The following ZNF292 variants were observed in gnomAD, a reference collection of about 807,000 sequenced individuals.
ZNF292 encodes the protein zinc finger protein 292.
A neutral mutation model predicts 217.9 loss-of-function variants in ZNF292; 26 were observed. The observed-to-expected ratio is 0.12, with a 90% CI of 0.09 to 0.17. The LOEUF is 0.17. Ranked by LOEUF, ZNF292 falls within the 10% of genes least tolerant of loss-of-function variation. The pLI, the probability that ZNF292 is intolerant of heterozygous loss-of-function variation, is 1.00. For missense variants in ZNF292, 2,904 were observed against 3,175.2 expected (o/e 0.91, Z 2.05); for synonymous variants, 1,257 against 1,124.1 (o/e 1.12, Z -2.37).
intron 1 of ZNF292, among the ~76,000 whole-genome samples, chr6:87,159,626 C>T (rs915812073): frequency 6.6e-6 from 1 of 151,906 alleles, no homozygotes; most frequent in African/African-American, 2.4e-5. Flanking sequence ...CCTCAGCCTC[C>T]TGAGTAGCTG....
In ZNF292 at chr6:87,254,818, G is replaced by A; in HGVS notation, c.1189G>A (p.Glu397Lys). The A allele has an allele frequency of 6.2e-7, 1 of 1,613,836 alleles. No homozygotes were observed. The highest frequency in any genetic ancestry group is 8.5e-7 in the Non-Finnish European group (1 of 1,179,834). Residue 397 changes from glutamate to lysine, a missense_variant, in exon 8 of 8, where the codon GAG becomes AAG. Glu to Lys is a moderately conservative substitution (Grantham distance 56, BLOSUM62 1). Around this residue, in one of 15 missense-constraint regions of ZNF292, gnomAD observed 313 missense variants for 451.0 expected, o/e 0.69. Transcript: ENST00000369577. ...RACQLSEFLI[E>K]PTVDAYYAVE... ...TTGTCAACTGAGTGAATTTCTTATT[G>A]AGCCTACAGTAGATGCGTATTATGC...
chr6:87,239,525 G>A (rs1582478728), intron 5 of ZNF292, among the ~76,000 whole-genome samples: 1 of 151,970 alleles, frequency 6.6e-6, no homozygotes, highest in East Asian at 1.9e-4. Flanking sequence ...CGGCTGGCCG[G>A]GCGGGGGCTG....
At chr6:87,161,311 G>C (rs912964926) in intron 1 of ZNF292, among the ~76,000 whole-genome samples, 1 of 152,216 alleles carries the variant, frequency 6.6e-6, no homozygotes, top group African/African-American at 2.4e-5. Context: ...GGAGATAAAA[G>C]ATACGGGCAA....
Position 87,263,300 on chromosome 6 carries a change from TG to T in ZNF292, c.*1500del, listed in dbSNP as rs1016068842. ...TTCTGTTTGCCGTAAATAGTAACAT[TG>T]TTTTTTTTTATTTTGTGTTTGTTAT... On this transcript the variant is annotated 3_prime_UTR_variant, in exon 8 of 8. Coordinates refer to ENST00000369577, the MANE Select transcript of ZNF292 (RefSeq NM_015021.3). The T allele has an allele frequency of 2.0e-5, 3 of 151,984 alleles. No individual in the cohort carries two copies. Among genetic ancestry groups the T allele is most frequent in the Admixed American group, 6.6e-5 (1 of 15,264 alleles). The allele number at this position is 151,984 out of a possible 1,614,324, so 9.4% of individuals were successfully genotyped here.
At position 87,218,678 on chromosome 6, in the gene ZNF292, A is replaced by T; in HGVS notation, c.485A>T (p.Lys162Ile). ...CTAGCTCAAGAGACTGGGGTGTGGAAAAACCCGGTACTGTGCACTATTCTT... is the reference window on the plus strand; with the variant it reads ...CTAGCTCAAGAGACTGGGGTGTGGATAAACCCGGTACTGTGCACTATTCTT... The part of the protein sequence containing the change: ...ATLAQETGVW[K>I]NPVLCTILSQ... The change falls in exon 4 of 8, where the codon AAA becomes ATA. Residue 162 changes from lysine (K) to isoleucine (I), a missense_variant. Around this residue, in one of 15 missense-constraint regions of ZNF292, gnomAD observed 313 missense variants for 451.0 expected, o/e 0.69. Coordinates refer to ENST00000369577, the MANE Select transcript of ZNF292 (RefSeq NM_015021.3). 1 of 1,596,908 alleles carries T rather than the reference A, an allele frequency of 6.3e-7. No individual in the cohort carries two copies. Among genetic ancestry groups the T allele is most frequent in the Non-Finnish European group, 8.5e-7 (1 of 1,171,648 alleles).
chr6:87,184,758 A>G (rs1771588738), intron 1 of ZNF292, among the ~76,000 whole-genome samples: 1 of 152,146 alleles, frequency 6.6e-6, no homozygotes, highest in Non-Finnish European at 1.5e-5. Flanking sequence ...GCCTCAACCA[A>G]GGAAGCTGGT....
rs41273275 is a variant in ZNF292 at position 87,258,036 on chromosome 6, A to C, written c.4407A>C (p.Thr1469=). 14 of 1,613,680 alleles carry C rather than the reference A, an allele frequency of 8.7e-6. No homozygotes were observed. The highest frequency in any genetic ancestry group is 1.1e-5 in the Non-Finnish European group (13 of 1,179,814). The change falls in exon 8 of 8, where the codon ACA becomes ACC. Residue 1469 remains threonine, a synonymous_variant. Transcript: ENST00000369577. ...GCTCGCCAGCATTTTTACCAAATACATTTCCTCGATCTGGTGTGACTAACT... is the reference window on the plus strand; with the variant it reads ...GCTCGCCAGCATTTTTACCAAATACCTTTCCTCGATCTGGTGTGACTAACT... ...ENRSPAFLPN[T]FPRSGVTNFN... is the part of the protein sequence containing the mutation.
chr6:87,258,638 A>C lies in ZNF292; in HGVS notation c.5009A>C (p.His1670Pro), dbSNP rs1323906501. The C allele has an allele frequency of 6.2e-7, 1 of 1,613,504 alleles. No individual in the cohort carries two copies. The highest frequency in any genetic ancestry group is 8.5e-7 in the Non-Finnish European group (1 of 1,179,762). ...KSVEIPTTNL[H>P]SNVIPTCEPQ... ...GTTGAAATCCCAACTACTAACCTTC[A>C]TTCAAATGTAATTCCAACTTGTGAA... The change falls in exon 8 of 8, where the codon CAT becomes CCT. Residue 1670 changes from histidine (H) to proline (P), a missense_variant. Around this residue, in one of 15 missense-constraint regions of ZNF292, gnomAD observed 622 missense variants for 573.1 expected, o/e 1.09. Transcript: ENST00000369577.
At chr6:87,250,920 T>C (rs1774887190) in intron 7 of ZNF292, among the ~76,000 whole-genome samples, 1 of 152,222 alleles carries the variant, frequency 6.6e-6, no homozygotes, top group Admixed American at 6.5e-5. Flanking sequence ...GTCTTTCTAC[T>C]AGAGTGGAAT....
intron 1 of ZNF292, among the ~76,000 whole-genome samples, chr6:87,182,991 T>G (rs1185542346): frequency 6.6e-6 from 1 of 152,136 alleles, no homozygotes; most frequent in East Asian, 1.9e-4. Flanking sequence ...GAAACACTCA[T>G]GGAGATAGTG....
At position 87,256,859 on chromosome 6, in the gene ZNF292, A is replaced by T. The variant is rs377014903; in HGVS notation, c.3230A>T (p.Gln1077Leu). 4 of 1,613,742 alleles carry T rather than the reference A, an allele frequency of 2.5e-6. No individual in the cohort carries two copies. Among genetic ancestry groups the T allele is most frequent in the African/African-American group, 1.3e-5 (1 of 74,914 alleles). The change falls in exon 8 of 8, where the codon CAG becomes CTG. Residue 1077 changes from glutamine (Q) to leucine (L), a missense_variant. Physicochemically the swap from Gln to Leu is moderately radical, Grantham distance 113 (BLOSUM62 -2). Transcript: ENST00000369577. Reference protein sequence around the residue: ...TLESIAFVPPQSDLSNSLGTP... With the variant: ...TLESIAFVPPLSDLSNSLGTP... ...GAAAGTATTGCATTTGTTCCACCGC[A>T]GTCCGACCTAAGTAATTCATTAGGA...
intron 4 of ZNF292, among the ~76,000 whole-genome samples, chr6:87,226,735 A>AG (rs1773372508): frequency 6.7e-6 from 1 of 150,224 alleles, no homozygotes; most frequent in Non-Finnish European, 1.5e-5. Flanking sequence ...GCTGGAGTGC[A>AG]GTGCATGATC....
At chr6:87,222,281 TA>T (rs1773121105) in intron 4 of ZNF292, among the ~76,000 whole-genome samples, 2 of 152,090 alleles carry the variant, frequency 1.3e-5, no homozygotes, top group Admixed American at 6.6e-5. Flanking sequence ...CTGGGATACT[TA>T]AAAAAATCTT....
intron 1 of ZNF292, among the ~76,000 whole-genome samples, chr6:87,210,210 G>A (rs1772423353): frequency 6.6e-6 from 1 of 152,120 alleles, no homozygotes; most frequent in Non-Finnish European, 1.5e-5. Flanking sequence ...TTGTTAAAGT[G>A]TGCATTTTTG....
chr6:87,206,570 AATC>A (rs1256226398), intron 1 of ZNF292, among the ~76,000 whole-genome samples: 1 of 152,202 alleles, frequency 6.6e-6, no homozygotes. Context: ...CTCACAACAC[AATC>A]ATCACACTCA....
intron 1 of ZNF292, among the ~76,000 whole-genome samples, chr6:87,200,397 A>G (rs567599018): frequency 1.3e-5 from 2 of 152,340 alleles, no homozygotes; most frequent in African/African-American, 2.4e-5. Context: ...GTTACATAGC[A>G]TTATGAGAAT....
chr6:87,234,574 T>G (rs199747442), intron 5 of ZNF292, among the ~76,000 whole-genome samples: 4 of 148,176 alleles, frequency 2.7e-5, no homozygotes, highest in African/African-American at 1.0e-4. Flanking sequence ...AAAAAAAAAA[T>G]TTTTTTTAAA....
intron 1 of ZNF292, among the ~76,000 whole-genome samples, chr6:87,211,311 G>T (rs1772475250): frequency 6.6e-6 from 1 of 152,188 alleles, no homozygotes; most frequent in South Asian, 2.1e-4. Context: ...TGACCTGTGA[G>T]ACACACAGAA....
intron 1 of ZNF292, among the ~76,000 whole-genome samples, chr6:87,158,370 A>C (rs1770613916): frequency 6.6e-6 from 1 of 152,106 alleles, no homozygotes; most frequent in Non-Finnish European, 1.5e-5. Flanking sequence ...ACTTGAAACA[A>C]TTGTTTATTT....
Sources: gnomAD v4.1 joint callset for allele counts (sites outside exome capture counted in the v4.1 genomes callset) on GRCh38, gnomAD v4.1.1 for gene constraint, gnomAD v4.1.1 regional missense constraint, MANE v1.5 for transcripts, NCBI Gene and HGNC (gene_info 2026-07-23, HGNC 2026-07-21) for gene names.